FAM107B: variants seen among roughly 807,000 people sequenced by gnomAD.
The protein encoded by FAM107B is protein FAM107B.
Under a neutral mutation model 31.5 loss-of-function variants are expected in FAM107B, and 21 were observed. That is an observed-to-expected ratio of 0.67 (90% CI 0.47 to 0.96). FAM107B has a LOEUF of 0.96. Ranked by LOEUF, FAM107B falls within the 40% of genes least tolerant of loss-of-function variation. FAM107B has a pLI of 0.00. For synonymous variants in FAM107B, 157 were observed against 141.5 expected, an observed-to-expected ratio of 1.11 and a Z score of -0.78; for missense variants, 452 against 377.1, an observed-to-expected ratio of 1.20 and a Z score of -1.64.
At chr10:14,609,493 C>A (rs1486801925) in intron 2 of FAM107B, among the ~76,000 whole-genome samples, 2 of 152,124 alleles carry the variant, frequency 1.3e-5, no homozygotes, top group Admixed American at 1.3e-4. Context: ...TAAAGGCTGC[C>A]CAGAAACCTC....
At chr10:14,547,538 A>G (rs140684044) in intron 2 of FAM107B, among the ~76,000 whole-genome samples, 413 of 152,236 alleles carry the variant, frequency 2.7e-3, no homozygotes, top group Non-Finnish European at 4.5e-3. Flanking sequence ...AGCTTTTCCA[A>G]TTTTAGCATA....
At position 14,576,204 on chromosome 10, in the gene FAM107B, G is replaced by A. The variant is rs77195865; in HGVS notation, c.470-45689C>T. On this transcript the variant is annotated intron_variant, in intron 2 of 4. Transcript: ENST00000181796. ...CAGTGTGGTTAAAATGGTTTACCTC[G>A]TTGTGTATATTTCACCACGATTTTT... 3.6e-3 allele frequency among the ~76,000 whole-genome samples: 543 copies of A among 152,258 alleles called. 1 individual carries two copies. The highest frequency in any genetic ancestry group is 6.1e-3 in the Non-Finnish European group (413 of 68,018).
chr10:14,692,881 G>C (rs1384638105), intron 1 of FAM107B, among the ~76,000 whole-genome samples: 1 of 152,272 alleles, frequency 6.6e-6, no homozygotes, highest in African/African-American at 2.4e-5. Context: ...TGACTTTTAC[G>C]AGCCATAATA....
In FAM107B at chr10:14,734,101, T is replaced by A. The variant is rs557857977; in HGVS notation, c.411+40152A>T. 5.2e-4 allele frequency among the ~76,000 whole-genome samples: 77 copies of A among 149,060 alleles called. No individual in the cohort carries two copies. The South Asian group carries it at 0.015, about 29-fold the overall frequency. ...CATTTGGACTTCCTTTAAAAAAAAA[T>A]ATATACAACTTCTTGTTCTGAAAAC... is the stretch of plus-strand genomic sequence containing the variant. On this transcript the variant is annotated intron_variant, in intron 1 of 4. Transcript: ENST00000181796.
intron 1 of FAM107B, among the ~76,000 whole-genome samples, chr10:14,669,400 C>T (rs1854489027): frequency 1.3e-5 from 2 of 148,754 alleles, no homozygotes; most frequent in Non-Finnish European, 3.0e-5. Context: ...AAAGAAATGT[C>T]CTTTTCGAAG....
intron 1 of FAM107B, among the ~76,000 whole-genome samples, chr10:14,685,142 ATTTTTTT>A (rs59475861): frequency 2.2e-4 from 8 of 36,772 alleles, no homozygotes; most frequent in East Asian, 1.9e-3. Flanking sequence ...ACATCCTTTT[ATTTTTTT>A]TTTTTTTTTT....
intron 2 of FAM107B, among the ~76,000 whole-genome samples, chr10:14,532,931 C>T (rs138118659): frequency 3.7e-3 from 562 of 152,126 alleles, no homozygotes; most frequent in Non-Finnish European, 4.7e-3. Context: ...GCGAGAAGAG[C>T]GCATGCAAAG....
chr10:14,592,411 T>C (rs527970205), intron 2 of FAM107B, among the ~76,000 whole-genome samples: 1 of 152,198 alleles, frequency 6.6e-6, no homozygotes, highest in African/African-American at 2.4e-5. Context: ...AAATCACAGG[T>C]CTGTCCAGAG....
intron 1 of FAM107B, chr10:14,723,422 T>C: frequency 1.8e-6 from 1 of 552,022 alleles, no homozygotes; most frequent in Admixed American, 2.0e-5. Flanking sequence ...TGCTCTTCTT[T>C]TTTAATCTCT....
chr10:14,522,056 T>C, intron 3 of FAM107B, 37 bp from the exon 4 acceptor site: 1 of 1,580,540 alleles, frequency 6.3e-7, no homozygotes, highest in Non-Finnish European at 8.5e-7. Context: ...AAAACGTTAA[T>C]CTAATGGCTA....
chr10:14,528,093 G>A (rs1023113258), intron 3 of FAM107B: 5 of 342,556 alleles, frequency 1.5e-5, no homozygotes, highest in Non-Finnish European at 2.8e-5. Context: ...TGTCACATAG[G>A]AAGTGGAAGA....
intron 1 of FAM107B, among the ~76,000 whole-genome samples, chr10:14,748,883 C>T (rs74728472): frequency 0.014 from 2,080 of 152,304 alleles, 51 homozygotes; most frequent in African/African-American, 0.047. Flanking sequence ...ATTCCAGGGC[C>T]CTCAAGGCCT....
intron 1 of FAM107B, among the ~76,000 whole-genome samples, chr10:14,695,412 AT>A (rs1033193731): frequency 1.9e-4 from 29 of 152,200 alleles, no homozygotes; most frequent in Admixed American, 2.6e-4. Context: ...TTATAATACA[AT>A]TTCATATCAG....
At chr10:14,549,387 T>C (rs1213644093) in intron 2 of FAM107B, among the ~76,000 whole-genome samples, 1 of 152,246 alleles carries the variant, frequency 6.6e-6, no homozygotes, top group African/African-American at 2.4e-5. Context: ...GCATCTATAA[T>C]AAAAGCTGCA....
chr10:14,603,616 G>A (rs1477885430), intron 2 of FAM107B, among the ~76,000 whole-genome samples: 1 of 152,202 alleles, frequency 6.6e-6, no homozygotes, highest in Non-Finnish European at 1.5e-5. Flanking sequence ...AAAGATGCCT[G>A]GGGGAAATTA....
Position 14,630,278 on chromosome 10 carries a change from T to TAAAAAAAA in FAM107B, c.469+37348_469+37355dup, listed in dbSNP as rs10525721. Among the ~76,000 whole-genome samples the TAAAAAAAA allele has an allele frequency of 5.9e-4, 80 of 134,538 alleles. 1 individual carries two copies. Among genetic ancestry groups the TAAAAAAAA allele is most frequent in the African/African-American group, 2.0e-3 (69 of 35,088 alleles). The allele number at this position is 134,538 out of a possible 152,430, so 88.3% of individuals were successfully genotyped here. ...CTATGCCTCACTTCTCTACTGATGC[T>TAAAAAAAA]AAAAAAAAAAAAAAAAAATGGAAAT... On this transcript the variant is annotated intron_variant, in intron 2 of 4. Coordinates refer to ENST00000181796, the MANE Select transcript of FAM107B (RefSeq NM_031453.4).
chr10:14,692,621 T>A (rs1040173508), intron 1 of FAM107B, among the ~76,000 whole-genome samples: 1 of 152,230 alleles, frequency 6.6e-6, no homozygotes, highest in African/African-American at 2.4e-5. Context: ...TTTAGGACTG[T>A]CGTCTCAGCA....
chr10:14,700,376 G>T (rs1429383370), intron 1 of FAM107B, among the ~76,000 whole-genome samples: 1 of 152,168 alleles, frequency 6.6e-6, no homozygotes, highest in South Asian at 2.1e-4. Flanking sequence ...TTGAATATGA[G>T]CTATTCCTCT....
At chr10:14,561,382 A>C (rs58703647) in intron 2 of FAM107B, among the ~76,000 whole-genome samples, 2,978 of 152,310 alleles carry the variant, frequency 0.02, 97 homozygotes, top group African/African-American at 0.068. Context: ...GATATTCATG[A>C]AACACCGCGC....
Sources: allele counts gnomAD v4.1 joint callset (sites outside exome capture counted in the v4.1 genomes callset), GRCh38; gene constraint gnomAD v4.1.1; transcripts MANE v1.5; gene names NCBI Gene and HGNC (gene_info 2026-07-23, HGNC 2026-07-21).